Variants in MALRD1 observed in about 807,000 individuals in gnomAD.
The protein encoded by MALRD1 is MAM and LDL receptor class A domain containing 1.
A neutral mutation model predicts 242.1 loss-of-function variants in MALRD1; 247 were observed. That is an observed-to-expected ratio of 1.02 (90% confidence interval 0.92 to 1.13). The LOEUF is 1.13. Among genes scored for constraint, MALRD1 ranks in the 50% most tolerant of loss-of-function variants. The probability of loss-of-function intolerance (pLI) is 0.00; values close to 1 mark genes in which losing one functional copy is unlikely to be tolerated. For missense variants in MALRD1, 2,989 were observed against 2,533.1 expected (o/e 1.18, Z -3.86); for synonymous variants, 995 against 866.6 (o/e 1.15, Z -2.60).
chr10:19,176,613 A>T (rs530399381), intron 14 of MALRD1, among the ~76,000 whole-genome samples: 174 of 151,252 alleles, frequency 1.2e-3, no homozygotes, highest in Non-Finnish European at 1.6e-3. Context: ...TGACCTCATG[A>T]TCCACCCGCC....
rs1488075699 is a variant in MALRD1 at position 19,165,242 on chromosome 10, A to AATATATATATGTATATAT, written c.1657-385_1657-384insGTATATATATATATATAT. Among the ~76,000 whole-genome samples, 8 of 69,780 alleles carry AATATATATATGTATATAT rather than the reference A, an allele frequency of 1.1e-4. No homozygotes were observed. The East Asian group carries it at 2.5e-3, about 22-fold the overall frequency. 45.8% of individuals were successfully genotyped at this position (69,780 alleles called of 152,430 possible). ...TATATTTAACACAGAAGTTGTTTGG[A>AATATATATATGTATATAT]ATATATATATATATATATATATATT... On this transcript the variant is annotated intron_variant, in intron 12 of 39. Coordinates refer to ENST00000454679, the MANE Select transcript of MALRD1 (RefSeq NM_001142308.3).
At chr10:19,234,514 G>A (rs977250993) in intron 18 of MALRD1, among the ~76,000 whole-genome samples, 3 of 151,676 alleles carry the variant, frequency 2.0e-5, no homozygotes, top group Non-Finnish European at 2.9e-5. Context: ...AAAAAGTATC[G>A]ATTTACCAAT....
intron 21 of MALRD1, among the ~76,000 whole-genome samples, chr10:19,309,845 G>A (rs1275534811): frequency 6.6e-6 from 1 of 151,398 alleles, no homozygotes; most frequent in African/African-American, 2.4e-5. Flanking sequence ...GAAACAGCTG[G>A]CACAAAGAAT....
At chr10:19,064,631 C>T (rs1461769061) in intron 1 of MALRD1, among the ~76,000 whole-genome samples, 2 of 151,392 alleles carry the variant, frequency 1.3e-5, no homozygotes, top group East Asian at 3.9e-4. Flanking sequence ...TTTAGTTGGG[C>T]GTGGCAGCAC....
intron 38 of MALRD1, among the ~76,000 whole-genome samples, chr10:19,714,103 T>C (rs528004013): frequency 1.3e-5 from 2 of 152,286 alleles, no homozygotes; most frequent in Admixed American, 1.3e-4. Context: ...GCTTGTGTTA[T>C]TCAGCTCCAT....
At chr10:19,599,959 G>T (rs1296681340) in intron 34 of MALRD1, among the ~76,000 whole-genome samples, 2 of 152,142 alleles carry the variant, frequency 1.3e-5, no homozygotes, top group Non-Finnish European at 2.9e-5. Context: ...CAGCCTTCCA[G>T]GGCCCAGATG....
intron 18 of MALRD1, among the ~76,000 whole-genome samples, chr10:19,228,981 G>GTGGTGT (rs1554815634): frequency 8.9e-5 from 2 of 22,532 alleles, no homozygotes; most frequent in East Asian, 1.5e-3. Flanking sequence ...GAATGCATGT[G>GTGGTGT]GTGTGTGTGT....
intron 36 of MALRD1, among the ~76,000 whole-genome samples, chr10:19,643,319 G>A (rs1175074753): frequency 6.6e-6 from 1 of 151,988 alleles, no homozygotes; most frequent in African/African-American, 2.4e-5. Flanking sequence ...GGTGGCAGGT[G>A]CCTGTAATCC....
At chr10:19,094,944 TCAAA>T (rs1227052927) in intron 4 of MALRD1, among the ~76,000 whole-genome samples, 2 of 152,316 alleles carry the variant, frequency 1.3e-5, no homozygotes, top group East Asian at 3.9e-4. Context: ...TTTGGGACAA[TCAAA>T]CAAAATTTTC....
At chr10:19,571,377 A>G (rs937187235) in intron 33 of MALRD1, among the ~76,000 whole-genome samples, 1 of 150,122 alleles carries the variant, frequency 6.7e-6, no homozygotes, top group African/African-American at 2.4e-5. Flanking sequence ...TTCAAGAAGG[A>G]AAAAAAAAAT....
chr10:19,425,158 C>A (rs1168004629), intron 28 of MALRD1, among the ~76,000 whole-genome samples: 2 of 151,982 alleles, frequency 1.3e-5, no homozygotes, highest in Non-Finnish European at 2.9e-5. Flanking sequence ...GACAATCTGC[C>A]CTTTAGCAGC....
intron 32 of MALRD1, among the ~76,000 whole-genome samples, chr10:19,565,759 T>A (rs142043965): frequency 6.6e-6 from 1 of 152,170 alleles, no homozygotes; most frequent in Non-Finnish European, 1.5e-5. Context: ...CTTTTGTTAA[T>A]TAAAGGATCA....
At chr10:19,569,431 G>A (rs1460969357) in intron 33 of MALRD1, among the ~76,000 whole-genome samples, 1 of 151,368 alleles carries the variant, frequency 6.6e-6, no homozygotes, top group African/African-American at 2.4e-5. Context: ...CTCCAAATGG[G>A]CCTTCACCTG....
chr10:19,489,425 A>T, intron 29 of MALRD1: 1 of 577,288 alleles, frequency 1.7e-6, no homozygotes, highest in Admixed American at 1.9e-5. Context: ...ATGTCTTATC[A>T]GTGGTCCCTG....
intron 18 of MALRD1, among the ~76,000 whole-genome samples, chr10:19,220,119 A>G (rs575298872): frequency 3.3e-5 from 5 of 152,250 alleles, no homozygotes; most frequent in African/African-American, 1.2e-4. Context: ...GTTGTTCAGT[A>G]TCCTTAGAAC....
intron 32 of MALRD1, among the ~76,000 whole-genome samples, chr10:19,552,979 A>G (rs561101411): frequency 6.6e-6 from 1 of 152,294 alleles, no homozygotes; most frequent in South Asian, 2.1e-4. Flanking sequence ...GTTTATTTAT[A>G]TAATACATAA....
At chr10:19,217,656 C>T (rs1837379556) in intron 18 of MALRD1, among the ~76,000 whole-genome samples, 1 of 151,842 alleles carries the variant, frequency 6.6e-6, no homozygotes, top group Admixed American at 6.6e-5. Flanking sequence ...CCTCAGCCTC[C>T]CAAGTAACTA....
chr10:19,439,816 C>T (rs1437658014), intron 28 of MALRD1, among the ~76,000 whole-genome samples: 1 of 152,260 alleles, frequency 6.6e-6, no homozygotes, highest in East Asian at 1.9e-4. Context: ...TCCTTCCCCA[C>T]TCCATTTCCC....
chr10:19,496,597 A>G (rs1837730914), intron 30 of MALRD1, among the ~76,000 whole-genome samples: 1 of 152,230 alleles, frequency 6.6e-6, no homozygotes, highest in African/African-American at 2.4e-5. Context: ...TGCCCACATC[A>G]AAAAGTTGGA....
Sources: gnomAD v4.1 joint callset for allele counts (sites outside exome capture counted in the v4.1 genomes callset) on GRCh38, gnomAD v4.1.1 for gene constraint, MANE v1.5 for transcripts, NCBI Gene and HGNC (gene_info 2026-07-23, HGNC 2026-07-21) for gene names.